VTI1A: variants seen among roughly 807,000 people sequenced by gnomAD.
VTI1A encodes the protein vesicle transport through interaction with t-SNAREs 1A.
VTI1A carries 22 observed loss-of-function variants against 34.9 expected under a neutral mutation model. The ratio of observed to expected loss-of-function variants is 0.63; its 90% CI spans 0.45 to 0.90. The LOEUF is 0.90. Ranked by LOEUF, VTI1A falls within the 40% of genes least tolerant of loss-of-function variation. The pLI, the probability that VTI1A is intolerant of heterozygous loss-of-function variation, is 0.00. For synonymous variants in VTI1A, 87 were observed against 97.3 expected (o/e 0.89, Z 0.62); for missense variants, 268 against 275.6 (o/e 0.97, Z 0.20).
the VTI1A span, among the ~76,000 whole-genome samples, chr10:112,845,103 C>T: frequency 6.9e-4 from 105 of 152,252 alleles, no homozygotes; most frequent in Admixed American, 2.4e-3. Context: ...TATTCCCTGG[C>T]GGAGAGAAAG....
intron 7 of VTI1A, among the ~76,000 whole-genome samples, chr10:112,704,957 T>C (rs1849142190): frequency 6.6e-6 from 1 of 152,082 alleles, no homozygotes; most frequent in African/African-American, 2.4e-5. Context: ...GGCACAATCA[T>C]AGCTCACTGC....
chr10:112,683,058 C>T (rs1245014683), intron 7 of VTI1A, among the ~76,000 whole-genome samples: 1 of 152,132 alleles, frequency 6.6e-6, no homozygotes, highest in African/African-American at 2.4e-5. Context: ...GCTGGATTTC[C>T]ACAGAGCATG....
intron 5 of VTI1A, among the ~76,000 whole-genome samples, chr10:112,554,784 T>G (rs570155995): frequency 2.0e-5 from 3 of 152,226 alleles, no homozygotes; most frequent in South Asian, 4.1e-4. Context: ...TCTTCTTTCT[T>G]TCCTCCCACT....
chr10:112,830,822 C>CATATATATATATAT, the VTI1A span, among the ~76,000 whole-genome samples: 22 of 54,722 alleles, frequency 4.0e-4, no homozygotes, highest in East Asian at 9.8e-4. Flanking sequence ...CTAAAACCCT[C>CATATATATATATAT]ATATATATAT....
At chr10:112,561,074 A>C (rs943956580) in intron 5 of VTI1A, among the ~76,000 whole-genome samples, 1 of 152,196 alleles carries the variant, frequency 6.6e-6, no homozygotes, top group Non-Finnish European at 1.5e-5. Flanking sequence ...TCTCAAAAAA[A>C]ATATTTTTTT....
In VTI1A at chr10:112,631,874, A is replaced by G. The variant is rs113507532; in HGVS notation, c.428-36344A>G. 8.4e-3 allele frequency among the ~76,000 whole-genome samples: 1,284 copies of G among 152,310 alleles called. 18 individuals are homozygous for G. Among genetic ancestry groups the G allele is most frequent in the African/African-American group, 0.029 (1,215 of 41,574 alleles). Reference sequence around the variant, plus strand: ...GCACTCTTTAGCCCAGGATTGCTCAATCTGGGACCAGAGAACCCTTTTATT... The same window carrying G: ...GCACTCTTTAGCCCAGGATTGCTCAGTCTGGGACCAGAGAACCCTTTTATT... On this transcript the variant is annotated intron_variant, in intron 5 of 7. Transcript: ENST00000393077.
chr10:112,447,268 C>A lies in VTI1A; in HGVS notation c.-106C>A. On this transcript the variant is annotated 5_prime_UTR_variant, in exon 1 of 8. Coordinates refer to ENST00000393077, the MANE Select transcript of VTI1A (RefSeq NM_145206.4). ...GCTGTCCCCGGTTCTCCGTTCTGCT[C>A]TCGGGGGCACCTTCCGGGGTTCCTA... 1 of 1,260,850 alleles carries A rather than the reference C, an allele frequency of 7.9e-7. No homozygotes were observed. The highest frequency in any genetic ancestry group is 1.3e-5 in the South Asian group (1 of 76,324). The allele number at this position is 1,260,850 out of a possible 1,614,324, so 78.1% of individuals were successfully genotyped here.
chr10:112,618,489 TTATATATATATATATATATA>T (rs1209916722), intron 5 of VTI1A, among the ~76,000 whole-genome samples: 1 of 74,374 alleles, frequency 1.3e-5, no homozygotes, highest in Non-Finnish European at 2.2e-5. Context: ...AATGATTATA[TTATATATATATATATATATA>T]TATATATATA....
At chr10:112,566,828 G>A (rs1003323066) in intron 5 of VTI1A, among the ~76,000 whole-genome samples, 1 of 152,120 alleles carries the variant, frequency 6.6e-6, no homozygotes, top group Non-Finnish European at 1.5e-5. Flanking sequence ...TTAGGGAAGG[G>A]TTTATAGAAA....
Position 112,469,151 on chromosome 10 carries a change from C to T in VTI1A, c.264+4494C>T, listed in dbSNP as rs143952745. Among the ~76,000 whole-genome samples the T allele has an allele frequency of 6.7e-3, 1,026 of 152,208 alleles. 10 individuals carry two copies. Among genetic ancestry groups the T allele is most frequent in the African/African-American group, 0.023 (954 of 41,528 alleles). ...TCTATCTTGTTCCATTGCTTCTTCA[C>T]GTGTCTAATAATTTTATTATAGTAT... On this transcript the variant is annotated intron_variant, in intron 3 of 7. Transcript: ENST00000393077.
intron 3 of VTI1A, among the ~76,000 whole-genome samples, chr10:112,523,928 A>G (rs1850121843): frequency 6.6e-6 from 1 of 152,150 alleles, no homozygotes; most frequent in African/African-American, 2.4e-5. Flanking sequence ...TAAAGAAAAA[A>G]TATTTTAGTG....
chr10:112,660,175 A>G (rs1847393918), intron 5 of VTI1A, among the ~76,000 whole-genome samples: 1 of 152,058 alleles, frequency 6.6e-6, no homozygotes, highest in Admixed American at 6.6e-5. Flanking sequence ...ATCTCGGCAC[A>G]CTGCAACCTC....
chr10:112,507,538 C>G (rs1403046397), intron 3 of VTI1A, among the ~76,000 whole-genome samples: 1 of 152,192 alleles, frequency 6.6e-6, no homozygotes, highest in Non-Finnish European at 1.5e-5. Flanking sequence ...AGGTTTCCAT[C>G]AGCTTTTCTG....
intron 1 of VTI1A, among the ~76,000 whole-genome samples, chr10:112,458,990 G>A (rs1373128255): frequency 6.6e-6 from 1 of 152,094 alleles, no homozygotes; most frequent in East Asian, 1.9e-4. Context: ...TTCTATTAAA[G>A]CTTCCCCACT....
chr10:112,636,384 A>T (rs1846352122), intron 5 of VTI1A, among the ~76,000 whole-genome samples: 1 of 152,046 alleles, frequency 6.6e-6, no homozygotes, highest in Admixed American at 6.6e-5. Context: ...CTGCCATTGG[A>T]TGGTGTGTTA....
chr10:112,737,958 T>G, intron 7 of VTI1A: 1 of 935,356 alleles, frequency 1.1e-6, no homozygotes, highest in Non-Finnish European at 1.3e-6. Context: ...GCGGGGATGC[T>G]TAGGGCCTCC....
intron 3 of VTI1A, among the ~76,000 whole-genome samples, chr10:112,468,296 G>C (rs1459895562): frequency 6.6e-6 from 1 of 152,164 alleles, no homozygotes; most frequent in African/African-American, 2.4e-5. Flanking sequence ...TTTGAATAGA[G>C]TGTAGAAAAT....
chr10:112,471,175 G>C (rs1367741594), intron 3 of VTI1A, among the ~76,000 whole-genome samples: 3 of 151,970 alleles, frequency 2.0e-5, no homozygotes, highest in African/African-American at 7.2e-5. Flanking sequence ...CATTACGGTG[G>C]CTTATCATAG....
intron 3 of VTI1A, among the ~76,000 whole-genome samples, chr10:112,525,530 A>G (rs1049718988): frequency 6.6e-6 from 1 of 152,190 alleles, no homozygotes; most frequent in African/African-American, 2.4e-5. Context: ...TTAGAATTCC[A>G]TGAAACTTAC....
Sources: gnomAD v4.1 joint callset for allele counts (sites outside exome capture counted in the v4.1 genomes callset) on GRCh38, gnomAD v4.1.1 for gene constraint, MANE v1.5 for transcripts, NCBI Gene and HGNC (gene_info 2026-07-23, HGNC 2026-07-21) for gene names.